Variants in NEGR1 observed in about 807,000 individuals in gnomAD.
NEGR1 encodes IgLON family member 4.
In NEGR1, 10 loss-of-function variants were observed where a neutral mutation model predicts 40.9. That is an observed-to-expected ratio of 0.24 (90% CI 0.15 to 0.42). The LOEUF (loss-of-function observed/expected upper bound fraction) is 0.42, where lower values mean the gene tolerates loss of function less well. Among genes scored for constraint, NEGR1 ranks in the 10% least tolerant of loss-of-function variants. The pLI, the probability that NEGR1 is intolerant of heterozygous loss-of-function variation, is 1.00. For missense variants in NEGR1, 352 were observed against 438.9 expected (o/e 0.80, Z 1.77); for synonymous variants, 185 against 166.8 (o/e 1.11, Z -0.84).
chr1:72,241,314 A>G (rs998060291), intron 1 of NEGR1, among the ~76,000 whole-genome samples: 4 of 151,722 alleles, frequency 2.6e-5, no homozygotes, highest in African/African-American at 9.7e-5. Context: ...TTTAAATAGC[A>G]AATATTCAGA....
chr1:71,475,777 C>T (rs1001902327), intron 6 of NEGR1, among the ~76,000 whole-genome samples: 11 of 151,934 alleles, frequency 7.2e-5, no homozygotes, highest in Non-Finnish European at 1.5e-4. Context: ...CAATTAACAG[C>T]TTATATTCCT....
intron 5 of NEGR1, 51 bp downstream of exon 5, chr1:71,610,975 G>C (rs750790702): frequency 6.4e-7 from 1 of 1,570,202 alleles, no homozygotes; most frequent in Non-Finnish European, 8.7e-7. Flanking sequence ...TGAAACACAA[G>C]CACGTTAGCT....
At chr1:72,133,416 G>A (rs1186239813) in intron 1 of NEGR1, among the ~76,000 whole-genome samples, 1 of 151,848 alleles carries the variant, frequency 6.6e-6, no homozygotes, top group African/African-American at 2.4e-5. Context: ...ATGAAGGTAA[G>A]GAAAGGGAAA....
chr1:71,864,955 T>C (rs1229151000), intron 2 of NEGR1, among the ~76,000 whole-genome samples: 1 of 152,200 alleles, frequency 6.6e-6, no homozygotes, highest in African/African-American at 2.4e-5. Flanking sequence ...AAAGGGAATG[T>C]ATAGGCTATT....
chr1:71,493,804 T>C (rs912059202), intron 6 of NEGR1, among the ~76,000 whole-genome samples: 2 of 152,204 alleles, frequency 1.3e-5, no homozygotes, highest in Non-Finnish European at 1.5e-5. Context: ...CTCCCTGAGT[T>C]CTACCTGACT....
At chr1:71,854,983 GC>G (rs2101816790) in intron 2 of NEGR1, among the ~76,000 whole-genome samples, 1 of 152,134 alleles carries the variant, frequency 6.6e-6, no homozygotes, top group African/African-American at 2.4e-5. Flanking sequence ...CAATTGTGGG[GC>G]ATTCTGTAAC....
intron 2 of NEGR1, among the ~76,000 whole-genome samples, chr1:71,880,995 A>T (rs1269782973): frequency 6.6e-6 from 1 of 152,060 alleles, no homozygotes; most frequent in Non-Finnish European, 1.5e-5. Flanking sequence ...AAATGGCAAA[A>T]GATGGGTGGT....
intron 1 of NEGR1, among the ~76,000 whole-genome samples, chr1:71,981,915 T>G (rs1407386641): frequency 6.6e-6 from 1 of 152,178 alleles, no homozygotes; most frequent in Non-Finnish European, 1.5e-5. Context: ...TAGAACCATT[T>G]GGCTCTTATT....
Position 71,697,878 on chromosome 1 carries a change from T to C in NEGR1, c.667+130A>G, listed in dbSNP as rs564676935. On this transcript the variant is annotated intron_variant, in intron 4 of 6. Coordinates refer to ENST00000357731, the MANE Select transcript of NEGR1 (RefSeq NM_173808.3). ...ACCAACATTTCAACATCTACACGTC[T>C]TCAGTGTTAGTAGGTGATTTTTACC... The C allele has an allele frequency of 9.1e-5, 71 of 780,828 alleles. 1 individual carries two copies. The Middle Eastern group carries it at 2.2e-3, about 24-fold the overall frequency. The allele number at this position is 780,828 out of a possible 1,614,324, so 48.4% of individuals were successfully genotyped here.
At chr1:71,468,420 C>T (rs903697766) in intron 6 of NEGR1, 5 of 152,068 alleles carry the variant, frequency 3.3e-5, no homozygotes, top group African/African-American at 1.2e-4. Flanking sequence ...TGAAAAGAAT[C>T]CCAAGTCATT....
chr1:72,079,306 C>G (rs1206175561), intron 1 of NEGR1, among the ~76,000 whole-genome samples: 2 of 151,818 alleles, frequency 1.3e-5, no homozygotes, highest in Non-Finnish European at 2.9e-5. Context: ...AAACAACTAT[C>G]CATCACATTA....
At chr1:72,115,730 G>A (rs1649557618) in intron 1 of NEGR1, among the ~76,000 whole-genome samples, 1 of 151,620 alleles carries the variant, frequency 6.6e-6, no homozygotes, top group Non-Finnish European at 1.5e-5. Context: ...ACAATACACT[G>A]ACTAACCTAA....
chr1:71,602,555 A>G (rs1649961284), intron 5 of NEGR1, among the ~76,000 whole-genome samples: 1 of 152,204 alleles, frequency 6.6e-6, no homozygotes, highest in Admixed American at 6.5e-5. Flanking sequence ...CCGGCCGCCC[A>G]TGATTATTCT....
intron 1 of NEGR1, among the ~76,000 whole-genome samples, chr1:71,986,787 C>A (rs1646398755): frequency 6.6e-6 from 1 of 152,226 alleles, no homozygotes; most frequent in South Asian, 2.1e-4. Context: ...AGTCCATTCT[C>A]ATGAGTGTAT....
Position 72,211,107 on chromosome 1 carries a change from G to A in NEGR1, c.176+71212C>T, listed in dbSNP as rs201611924. ...AATTTTCTGAAAAAGCTATTGACAT[G>A]CTCATCCTCTTTCATCAGTGCCATT... On this transcript the variant is annotated intron_variant, in intron 1 of 6. Coordinates refer to ENST00000357731, the MANE Select transcript of NEGR1 (RefSeq NM_173808.3). Among the ~76,000 whole-genome samples the A allele has an allele frequency of 2.0e-5, 3 of 151,856 alleles. No individual in the cohort carries two copies. In the East Asian group the frequency reaches 5.8e-4, roughly 29 times the overall value.
chr1:71,457,297 A>G (rs951252659), intron 6 of NEGR1, among the ~76,000 whole-genome samples: 4 of 152,180 alleles, frequency 2.6e-5, no homozygotes, highest in Admixed American at 2.6e-4. Context: ...AGGGCTTTCA[A>G]TGATGCTTTA....
chr1:71,846,599 T>C (rs752223794), intron 2 of NEGR1, among the ~76,000 whole-genome samples: 4 of 152,176 alleles, frequency 2.6e-5, no homozygotes, highest in African/African-American at 4.8e-5. Flanking sequence ...CTGTTCTCTC[T>C]TTTCTTTACC....
chr1:72,003,943 T>C (rs1014856089), intron 1 of NEGR1, among the ~76,000 whole-genome samples: 2 of 152,108 alleles, frequency 1.3e-5, no homozygotes, highest in African/African-American at 4.8e-5. Context: ...AAAGGAAAGA[T>C]TAATGGATAG....
intron 1 of NEGR1, among the ~76,000 whole-genome samples, chr1:72,028,919 C>G (rs1261832143): frequency 2.0e-5 from 3 of 152,138 alleles, no homozygotes; most frequent in Admixed American, 6.6e-5. Context: ...GCTCAATATA[C>G]TGTTTAGTGA....
Sources: gnomAD v4.1 joint callset for allele counts (sites outside exome capture counted in the v4.1 genomes callset) on GRCh38, gnomAD v4.1.1 for gene constraint, MANE v1.5 for transcripts, NCBI Gene and HGNC (gene_info 2026-07-23, HGNC 2026-07-21) for gene names.